Variants in RRM2 observed in about 807,000 individuals in gnomAD.
RRM2 encodes the protein ribonucleotide reductase regulatory subunit M2.
RRM2 carries 6 observed loss-of-function variants against 45.9 expected under a neutral mutation model. That is an observed-to-expected ratio of 0.13 (90% confidence interval 0.07 to 0.26). RRM2 has a LOEUF of 0.26. Ranked by LOEUF, RRM2 falls within the 10% of genes least tolerant of loss-of-function variation. The probability of loss-of-function intolerance (pLI) is 1.00; values close to 1 mark genes in which losing one functional copy is unlikely to be tolerated. For synonymous variants in RRM2, 177 were observed against 173.0 expected (o/e 1.02, Z -0.18); for missense variants, 343 against 489.5 (o/e 0.70, Z 2.82).
At position 10,205,029 on chromosome 2, in the gene RRM2, A is replaced by G. The variant is rs920201562; in HGVS notation, n.483-5282A>G. Among the ~76,000 whole-genome samples, 1 of 152,198 alleles carries G rather than the reference A, an allele frequency of 6.6e-6. No homozygotes were observed. Among genetic ancestry groups the G allele is most frequent in the African/African-American group, 2.4e-5 (1 of 41,450 alleles). ...AGACGCAGTGGTTACAAGCAACCCC[A>G]CGTGGTCTGCTTCGAATCCAGCAAA... On this transcript the variant is annotated intron_variant and non_coding_transcript_variant, in intron 3 of 3. Coordinates refer to the RRM2 transcript ENST00000381786. This position sits in a 1 kb window ranked among gnomAD's most constrained non-coding sequence, Gnocchi z 4.8.
At chr2:10,147,609 T>C (rs1005542935) in intron 3 of RRM2, among the ~76,000 whole-genome samples, 9 of 152,340 alleles carry the variant, frequency 5.9e-5, no homozygotes, top group African/African-American at 1.9e-4. Flanking sequence ...TCCACCCACC[T>C]TGGCCTTCCA....
chr2:10,136,275 C>T (rs1408753761), downstream of RRM2, among the ~76,000 whole-genome samples: 1 of 152,228 alleles, frequency 6.6e-6, no homozygotes, highest in African/African-American at 2.4e-5. Context: ...GGTGAAAAGA[C>T]AAGACAGGTT....
At chr2:10,200,217 C>A (rs147805284) in intron 3 of RRM2, among the ~76,000 whole-genome samples, 171 of 152,288 alleles carry the variant, frequency 1.1e-3, no homozygotes, top group African/African-American at 3.9e-3. Context: ...AACTCTGTTT[C>A]ATGGAAGGAA....
At chr2:10,142,546 G>A (rs1215675944) in intron 3 of RRM2, among the ~76,000 whole-genome samples, 1 of 46 alleles carries the variant, frequency 0.022, no homozygotes, top group African/African-American at 0.071. Flanking sequence ...GTGGCCAGGC[G>A]GGGGAGCTTC....
At chr2:10,186,292 C>T (rs148947489) in intron 3 of RRM2, among the ~76,000 whole-genome samples, 2,895 of 151,436 alleles carry the variant, frequency 0.019, 42 homozygotes, top group Non-Finnish European at 0.031. Context: ...GGATTACAGG[C>T]GCGCACCGCC....
At chr2:10,148,846 T>C (rs1663246137) in intron 3 of RRM2, among the ~76,000 whole-genome samples, 1 of 152,216 alleles carries the variant, frequency 6.6e-6, no homozygotes, top group Non-Finnish European at 1.5e-5. Context: ...GGATATATGA[T>C]GGGTCCTTTG....
chr2:10,126,162 TAAAAAAAAAAAAA>T (rs532815964), intron 5 of RRM2, among the ~76,000 whole-genome samples: 7 of 89,362 alleles, frequency 7.8e-5, no homozygotes, highest in South Asian at 4.5e-4. Flanking sequence ...CTCATCTCTT[TAAAAAAAAAAAAA>T]AAAAAAAAAA....
chr2:10,175,147 A>G (rs1397119533), intron 3 of RRM2, among the ~76,000 whole-genome samples: 2 of 152,264 alleles, frequency 1.3e-5, no homozygotes, highest in Non-Finnish European at 2.9e-5. Flanking sequence ...AGTTTTAGAC[A>G]TGTGCATACT....
intron 3 of RRM2, among the ~76,000 whole-genome samples, chr2:10,180,530 C>T (rs1488257653): frequency 6.6e-6 from 1 of 152,166 alleles, no homozygotes; most frequent in Admixed American, 6.5e-5. Flanking sequence ...GAGAGGCCCA[C>T]GAGGGCCTTG....
At chr2:10,162,893 C>T (rs928791582) in intron 3 of RRM2, among the ~76,000 whole-genome samples, 1 of 152,104 alleles carries the variant, frequency 6.6e-6, no homozygotes, top group Non-Finnish European at 1.5e-5. Flanking sequence ...GGGGCGGGGA[C>T]CCCCGGGGCA....
At chr2:10,143,321 C>G (rs1223961135) in intron 3 of RRM2, among the ~76,000 whole-genome samples, 1 of 152,214 alleles carries the variant, frequency 6.6e-6, no homozygotes, top group African/African-American at 2.4e-5. Flanking sequence ...TCCTCAGACC[C>G]AGTGAGGCCA....
chr2:10,172,612 T>A lies in RRM2; in HGVS notation n.482+30237T>A, dbSNP rs955647870. ...TGTGCCCTTTCCCCAGCCCTCCGCA[T>A]GGCATTAGAGAACATTCGCCTCCTG... is the stretch of plus-strand genomic sequence containing the variant. On this transcript the variant is annotated intron_variant and non_coding_transcript_variant, in intron 3 of 3. Coordinates refer to the RRM2 transcript ENST00000381786. This position sits in a 1 kb window ranked among gnomAD's most constrained non-coding sequence, Gnocchi z 4.9. Among the ~76,000 whole-genome samples the A allele has an allele frequency of 6.6e-6, 1 of 152,222 alleles. No individual in the cohort carries two copies. The highest frequency in any genetic ancestry group is 1.5e-5 in the Non-Finnish European group (1 of 68,038).
chr2:10,191,260 C>T (rs1415910006), intron 3 of RRM2, among the ~76,000 whole-genome samples: 6 of 152,226 alleles, frequency 3.9e-5, no homozygotes, highest in Admixed American at 1.3e-4. Flanking sequence ...CTTGGGGCAG[C>T]GTGGCCTTGG....
chr2:10,175,062 T>C (rs1175200822), intron 3 of RRM2, among the ~76,000 whole-genome samples: 1 of 152,220 alleles, frequency 6.6e-6, no homozygotes, highest in Non-Finnish European at 1.5e-5. Flanking sequence ...GTGGGCTTTT[T>C]TCTTATTTAA....
chr2:10,138,460 C>T (rs1219676132), upstream of RRM2, among the ~76,000 whole-genome samples: 1 of 152,026 alleles, frequency 6.6e-6, no homozygotes, highest in African/African-American at 2.4e-5. Flanking sequence ...AGCCACTGTG[C>T]CTGGCCAATT....
rs575729163 is a variant in RRM2 at position 10,127,895 on chromosome 2, G to A, written c.798+675G>A. 2.2e-4 allele frequency among the ~76,000 whole-genome samples: 33 copies of A among 151,926 alleles called. No homozygotes were observed. Among genetic ancestry groups the A allele is most frequent in the Admixed American group, 8.5e-4 (13 of 15,288 alleles). On this transcript the variant is annotated intron_variant, in intron 7 of 9. Coordinates refer to ENST00000304567, the MANE Select transcript of RRM2 (RefSeq NM_001034.4). This position sits in a 1 kb window ranked among gnomAD's most constrained non-coding sequence, Gnocchi z 4.1. Reference sequence around the variant, plus strand: ...AAATGTTCATAGTAGAGCCAGGAGCGGTGGCTCATGCCTGTAATCCCAGCA... The same window carrying A: ...AAATGTTCATAGTAGAGCCAGGAGCAGTGGCTCATGCCTGTAATCCCAGCA...
rs1209423047 is a variant in RRM2 at position 10,122,993 on chromosome 2, T to G, written c.110T>G (p.Leu37Arg). The G allele has an allele frequency of 6.4e-7, 1 of 1,559,498 alleles. No homozygotes were observed. The highest frequency in any genetic ancestry group is 2.3e-5 in the East Asian group (1 of 43,130). ...LVDKENTPPA[L>R]SGTRVLASKT... is the part of the protein sequence containing the mutation. The stretch of plus-strand genomic sequence containing the variant: ...CGCGTCTCCCCGCAGCCGCCGGCCC[T>G]GAGCGGGACCCGCGTCCTGGCCAGC... The change falls in exon 2 of 10, where the codon CTG becomes CGG. Residue 37 changes from leucine (L) to arginine (R), a missense_variant. Physicochemically the swap from Leu to Arg is moderately radical, Grantham distance 102. Transcript: ENST00000304567.
chr2:10,143,034 T>A (rs1663117315), intron 3 of RRM2, among the ~76,000 whole-genome samples: 1 of 152,144 alleles, frequency 6.6e-6, no homozygotes. Flanking sequence ...CCACCTCGCC[T>A]GGCTAATTTT....
intron 3 of RRM2, among the ~76,000 whole-genome samples, chr2:10,178,700 G>A (rs1438081463): frequency 1.3e-5 from 2 of 152,184 alleles, no homozygotes; most frequent in Non-Finnish European, 2.9e-5. Flanking sequence ...GAGTCATCCA[G>A]GTTGCTGTGT....
Sources: allele counts gnomAD v4.1 joint callset (sites outside exome capture counted in the v4.1 genomes callset), GRCh38; gene constraint gnomAD v4.1.1; non-coding constraint Gnocchi (gnomAD v3.1); transcripts MANE v1.5; gene names NCBI Gene and HGNC (gene_info 2026-07-23, HGNC 2026-07-21).